The following E4F1 variants were observed in gnomAD, a reference collection of about 807,000 sequenced individuals.
E4F1 encodes the protein E4F transcription factor 1, also known as transcription factor E4F1.
In E4F1, 30 loss-of-function variants were observed where a neutral mutation model predicts 72.9. The observed-to-expected ratio is 0.41, with a 90% CI of 0.31 to 0.56. The LOEUF (loss-of-function observed/expected upper bound fraction) is 0.56. E4F1 is among the 20% of genes least tolerant of loss of function. E4F1 has a pLI of 0.25. For synonymous variants in E4F1, 542 were observed against 478.2 expected (o/e 1.13, Z -1.74); for missense variants, 1,091 against 1,117.5 (o/e 0.98, Z 0.34).
chr16:2,231,984 C>T (rs1207761628), intron 3 of E4F1, 187 bp from the exon 4 acceptor site: 3 of 691,604 alleles, frequency 4.3e-6, no homozygotes, highest in Non-Finnish European at 7.2e-6. Context: ...GTCTCTCCAC[C>T]TCTCACTCTG....
At chr16:2,223,920 A>G in intron 1 of E4F1, 150 bp downstream of exon 1, 1 of 1,530,478 alleles carries the variant, frequency 6.5e-7, no homozygotes, top group Non-Finnish European at 8.7e-7. Flanking sequence ...GCCCTCCACG[A>G]AACCCCCAGG....
At chr16:2,225,791 GAAAAAAAAAA>G (rs766755916) in intron 1 of E4F1, among the ~76,000 whole-genome samples, 1 of 64,960 alleles carries the variant, frequency 1.5e-5, no homozygotes, top group Non-Finnish European at 3.1e-5. Flanking sequence ...CTCTGTTTAG[GAAAAAAAAAA>G]AAAAAAAAAA....
In E4F1 at chr16:2,234,352, C is replaced by T. The variant is rs750763458; in HGVS notation, c.1557C>T (p.Tyr519=). ...HRRVHSDERP[Y]PCPKCGKRYK... Reference sequence around the variant, plus strand: ...GCGTCCACTCAGACGAGCGGCCCTACCCTTGTCCCAAGTGTGGCAAGCGCT... The same window carrying T: ...GCGTCCACTCAGACGAGCGGCCCTATCCTTGTCCCAAGTGTGGCAAGCGCT... Residue 519 remains tyrosine, a synonymous_variant, in exon 10 of 14, where the codon TAC becomes TAT. Coordinates refer to ENST00000301727, the MANE Select transcript of E4F1 (RefSeq NM_004424.5). 1 of 1,613,010 alleles carries T rather than the reference C, an allele frequency of 6.2e-7. No homozygotes were observed. Among genetic ancestry groups the T allele is most frequent in the East Asian group, 2.2e-5 (1 of 44,890 alleles).
At chr16:2,225,262 C>T (rs1314209903) in intron 1 of E4F1, among the ~76,000 whole-genome samples, 1 of 151,986 alleles carries the variant, frequency 6.6e-6, no homozygotes, top group Admixed American at 6.6e-5. Flanking sequence ...GTTGGGGATG[C>T]ACTAAGGGCT....
Position 2,235,240 on chromosome 16 carries a change from G to C in E4F1, c.2023G>C (p.Val675Leu). The C allele has an allele frequency of 6.2e-7, 1 of 1,610,346 alleles. No homozygotes were observed. The highest frequency in any genetic ancestry group is 8.5e-7 in the Non-Finnish European group (1 of 1,179,332). The change falls in exon 14 of 14, where the codon GTG becomes CTG. Residue 675 changes from valine to leucine, a missense_variant. Val to Leu is a conservative substitution (Grantham distance 32). Coordinates refer to ENST00000301727, the MANE Select transcript of E4F1 (RefSeq NM_004424.5). ...TEVDSHIMKV[V>L]QQIVHQASAG... is the part of the protein sequence containing the mutation. ...GGTGGACAGCCACATCATGAAGGTG[G>C]TGCAGCAGATCGTGCACCAGGCTAG...
rs2093412076 is a variant in E4F1 at position 2,223,659 on chromosome 16, G to C, written c.46G>C (p.Glu16Gln). The C allele has an allele frequency of 6.3e-7, 1 of 1,588,530 alleles. No homozygotes were observed. Among genetic ancestry groups the C allele is most frequent in the Non-Finnish European group, 8.5e-7 (1 of 1,173,684 alleles). ...AVRVTAAHTAEAQAEAGREAG... is the reference protein window; with the variant it reads ...AVRVTAAHTAQAQAEAGREAG... Reference sequence around the variant, plus strand: ...GCGGGTGACGGCCGCTCATACGGCAGAAGCCCAGGCCGAAGCCGGGCGGGA... The same window carrying C: ...GCGGGTGACGGCCGCTCATACGGCACAAGCCCAGGCCGAAGCCGGGCGGGA... Residue 16 changes from glutamate (E) to glutamine (Q), a missense_variant, in exon 1 of 14, where the codon GAA becomes CAA. Physicochemically the swap from Glu to Gln is conservative, Grantham distance 29 (BLOSUM62 2). Around this residue, in one of 5 missense-constraint regions of E4F1, gnomAD observed 362 missense variants for 358.6 expected, o/e 1.01. Transcript: ENST00000301727.
rs1209796057 is a variant in E4F1 at position 2,233,887 on chromosome 16, GGC to G, written c.1273_1274del (p.Ala425GlnfsTer17). On this transcript the variant is annotated frameshift_variant, in exon 9 of 14. Coordinates refer to ENST00000301727, the MANE Select transcript of E4F1 (RefSeq NM_004424.5). LOFTEE classifies it high-confidence loss of function. The stretch of plus-strand genomic sequence containing the variant: ...ACCTTCCTGTGGTTCCCCAGCAGGT[GGC>G]CAGCGAGGCCTCAGCGGTGCCCAGG... Reference protein sequence around the residue: ...LEVQPLETQVASEASAVPRTH... With the variant: ...LEVQPLETQVXSEASAVPRTH... The G allele has an allele frequency of 1.3e-6, 2 of 1,591,528 alleles. No homozygotes were observed. The highest frequency in any genetic ancestry group is 4.6e-5 in the East Asian group (2 of 43,828).
In E4F1 at chr16:2,233,603, G is replaced by A; in HGVS notation, c.1222G>A (p.Ala408Thr). The change falls in exon 8 of 14, where the codon GCA (alanine) becomes ACA (threonine). Residue 408 changes from alanine (A) to threonine (T), a missense_variant. Physicochemically the swap from Ala to Thr is moderately conservative, Grantham distance 58. Coordinates refer to ENST00000301727, the MANE Select transcript of E4F1 (RefSeq NM_004424.5). ...GTCCAGTCCCCAGCCCCTGGCAGTG[G>A]CAGCCCCGCAGCTGCCGGTACTGGA... ...AGSSPQPLAV[A>T]APQLPVLEVQ... 3 of 1,506,974 alleles carry A rather than the reference G, an allele frequency of 2.0e-6. No homozygotes were observed. The highest frequency in any genetic ancestry group is 2.1e-5 in the Admixed American group (1 of 47,266). 93.4% of individuals were successfully genotyped at this position (1,506,974 alleles called of 1,614,324 possible). A position where few individuals can be genotyped will look rare whatever the true frequency, so the allele number is the denominator to read the frequency against.
Position 2,223,638 on chromosome 16 carries a change from G to C in E4F1, c.25G>C (p.Val9Leu). 6.3e-7 allele frequency: 1 copy of C among 1,590,704 alleles called. No homozygotes were observed. Among genetic ancestry groups the C allele is most frequent in the Non-Finnish European group, 8.5e-7 (1 of 1,174,178 alleles). MEGAMAVR[V>L]TAAHTAEAQA... ...CATGGAGGGCGCGATGGCAGTGCGG[G>C]TGACGGCCGCTCATACGGCAGAAGC... Residue 9 changes from valine to leucine, a missense_variant, in exon 1 of 14, where the codon GTG (valine) becomes CTG (leucine). Transcript: ENST00000301727.
At chr16:2,223,804 T>G (rs1466295759) in intron 1 of E4F1, 34 bp downstream of exon 1, 2 of 1,534,692 alleles carry the variant, frequency 1.3e-6, no homozygotes, top group East Asian at 5.0e-5. Context: ...GCGGCCGGGG[T>G]GCGGGCAGTT....
rs368693289 is a variant in E4F1 at position 2,234,251 on chromosome 16, G to C, written c.1456G>C (p.Val486Leu). ...GCTCAAGAAGCACCAGGAGGTGCAC[G>C]TGCGTGAGCGCCGCTTCCGCTGTGG... ...YLLKKHQEVH[V>L]RERRFRCGDC... The change falls in exon 10 of 14, where the codon GTG becomes CTG. Residue 486 changes from valine (V) to leucine (L), a missense_variant. Coordinates refer to ENST00000301727, the MANE Select transcript of E4F1 (RefSeq NM_004424.5). 2 of 1,612,768 alleles carry C rather than the reference G, an allele frequency of 1.2e-6. No individual in the cohort carries two copies. The highest frequency in any genetic ancestry group is 1.7e-6 in the Non-Finnish European group (2 of 1,179,956).
chr16:2,233,026 C>G lies in E4F1; in HGVS notation c.899C>G (p.Ala300Gly), dbSNP rs375309480. 1 of 1,608,252 alleles carries G rather than the reference C, an allele frequency of 6.2e-7. No homozygotes were observed. The highest frequency in any genetic ancestry group is 8.5e-7 in the Non-Finnish European group (1 of 1,176,032). The change falls in exon 7 of 14, where the codon GCT becomes GGT. Residue 300 changes from alanine to glycine, a missense_variant. Physicochemically the swap from Ala to Gly is moderately conservative, Grantham distance 60. This residue lies in a region of E4F1 where 101 missense variants were observed against 97.4 expected (regional missense o/e 1.04). Transcript: ENST00000301727. Reference protein sequence around the residue: ...EDARAGSGAGAAGLGTATSSV... With the variant: ...EDARAGSGAGGAGLGTATSSV... ...CACCTTGAAGGTTCTGGAGCTGGAG[C>G]TGCCGGCTTGGGGACAGCCACATCA...
At position 2,223,695 on chromosome 16, in the gene E4F1, G is replaced by A. The variant is rs970866445; in HGVS notation, c.82G>A (p.Gly28Ser). The change falls in exon 1 of 14, where the codon GGT becomes AGT. Residue 28 changes from glycine (G) to serine (S), a missense_variant. Physicochemically the swap from Gly to Ser is moderately conservative, Grantham distance 56. Transcript: ENST00000301727. ...CGAAGCCGGGCGGGAAGCGGGCGAG[G>A]GTGCAGTTGCGGCGGTGGCGGCGGC... ...QAEAGREAGE[G>S]AVAAVAAALA... is the part of the protein sequence containing the mutation. 3 of 1,571,026 alleles carry A rather than the reference G, an allele frequency of 1.9e-6. No homozygotes were observed. Among genetic ancestry groups the A allele is most frequent in the African/African-American group, 1.4e-5 (1 of 70,894 alleles).
chr16:2,230,005 C>G (rs1171957965), intron 3 of E4F1: 4 of 318,880 alleles, frequency 1.3e-5, no homozygotes, highest in Admixed American at 3.9e-5. Context: ...CTGGTTCCTG[C>G]TCCCTGCCCG....
intron 1 of E4F1, 130 bp from the exon 2 acceptor site, chr16:2,228,242 C>G (rs1291948463): frequency 3.2e-6 from 4 of 1,251,658 alleles, no homozygotes; most frequent in African/African-American, 3.0e-5. Context: ...TCTCAGCAGC[C>G]TGGGGAAGTA....
At position 2,233,929 on chromosome 16, in the gene E4F1, T is replaced by A; in HGVS notation, c.1314T>A (p.Pro438=). 6.2e-7 allele frequency: 1 copy of A among 1,604,106 alleles called. No individual in the cohort carries two copies. ...ASAVPRTHPC[P]QCSETFPTAA... ...CGGTGCCCAGGACCCACCCATGTCC[T>A]CAGTGCAGTGAGACCTTCCCGACAG... Residue 438 remains proline (P), a synonymous_variant, in exon 9 of 14, where the codon CCT becomes CCA. Coordinates refer to ENST00000301727, the MANE Select transcript of E4F1 (RefSeq NM_004424.5).
chr16:2,234,065 G>T, intron 9 of E4F1, 75 bp downstream of exon 9: 9 of 1,540,302 alleles, frequency 5.8e-6, no homozygotes, highest in African/African-American at 1.4e-5. Context: ...GGGTGTCCAG[G>T]GTGGGTCCAT....
chr16:2,231,810 C>T (rs569878678), intron 3 of E4F1: 18 of 225,950 alleles, frequency 8.0e-5, no homozygotes, highest in Non-Finnish European at 1.4e-4. Context: ...GCAGTGGCAG[C>T]GAGCAGGACA....
Position 2,232,769 on chromosome 16 carries a change from C to T in E4F1, c.744C>T (p.Tyr248=), listed in dbSNP as rs749705386. ...TTCTCTCTGCAGATGAGCGCCCCTACAAGTGCTCCAAGTGTGGAAAGAGCT... is the reference window on the plus strand; with the variant it reads ...TTCTCTCTGCAGATGAGCGCCCCTATAAGTGCTCCAAGTGTGGAAAGAGCT... The part of the protein sequence containing the change: ...HHRRHTDERP[Y]KCSKCGKSFR... Residue 248 remains tyrosine, a synonymous_variant, in exon 6 of 14, where the codon TAC becomes TAT. Coordinates refer to ENST00000301727, the MANE Select transcript of E4F1 (RefSeq NM_004424.5). 3 of 1,613,278 alleles carry T rather than the reference C, an allele frequency of 1.9e-6. No individual in the cohort carries two copies. In the Admixed American group the frequency reaches 5.0e-5, roughly 27 times the overall value.
Sources: allele counts gnomAD v4.1 joint callset (sites outside exome capture counted in the v4.1 genomes callset), GRCh38; gene constraint gnomAD v4.1.1; regional missense constraint gnomAD v4.1.1; transcripts MANE v1.5; gene names NCBI Gene and HGNC (gene_info 2026-07-23, HGNC 2026-07-21).